Variants in STK3 observed in about 807,000 individuals in gnomAD.
STK3 encodes the protein serine/threonine-protein kinase 3.
STK3 carries 41 observed loss-of-function variants against 58.0 expected under a neutral mutation model. The ratio of observed to expected loss-of-function variants is 0.71; its 90% CI spans 0.55 to 0.92. The LOEUF (loss-of-function observed/expected upper bound fraction) is 0.92. Among genes scored for constraint, STK3 ranks in the 40% least tolerant of loss-of-function variants. The probability of loss-of-function intolerance (pLI) is 0.00; values close to 1 mark genes in which losing one functional copy is unlikely to be tolerated. For missense variants in STK3, 479 were observed against 602.7 expected, an observed-to-expected ratio of 0.79 and a Z score of 2.15; for synonymous variants, 170 against 191.0, an observed-to-expected ratio of 0.89 and a Z score of 0.91.
intron 10 of STK3, among the ~76,000 whole-genome samples, chr8:98,506,155 C>T (rs180737395): frequency 6.6e-6 from 1 of 152,320 alleles, no homozygotes; most frequent in East Asian, 1.9e-4. Flanking sequence ...TGATCTCAGA[C>T]TGCTGCACTA....
the STK3 span, among the ~76,000 whole-genome samples, chr8:98,359,480 G>A: frequency 6.8e-6 from 1 of 146,662 alleles, no homozygotes; most frequent in Non-Finnish European, 1.5e-5. Flanking sequence ...CTGAGATCAA[G>A]CCATTGCACT....
At chr8:98,585,347 T>C (rs1236845081) in intron 7 of STK3, among the ~76,000 whole-genome samples, 6 of 152,226 alleles carry the variant, frequency 3.9e-5, no homozygotes, top group Non-Finnish European at 5.9e-5. Flanking sequence ...ATTTATTAAA[T>C]AGGGAATCCT....
chr8:98,738,690 C>T (rs998710403), intron 4 of STK3, among the ~76,000 whole-genome samples: 3 of 152,192 alleles, frequency 2.0e-5, no homozygotes, highest in Non-Finnish European at 4.4e-5. Context: ...TCTGCATTTC[C>T]ATCTGAGGTA....
rs1439637975 is a variant in STK3 at position 98,620,877 on chromosome 8, AC to A, written c.685-24709del. On this transcript the variant is annotated intron_variant, in intron 6 of 10. Transcript: ENST00000419617. Reference sequence around the variant, plus strand: ...AACTGTAAATGGTATTGCATTTTTAACTTCAATGTCCATGAATTCATTGTTA... The same window carrying A: ...AACTGTAAATGGTATTGCATTTTTAATTCAATGTCCATGAATTCATTGTTA... 2.0e-5 allele frequency among the ~76,000 whole-genome samples: 3 copies of A among 152,166 alleles called. No individual in the cohort carries two copies. The South Asian group carries it at 6.2e-4, about 32-fold the overall frequency.
Position 98,774,835 on chromosome 8 carries a change from A to C in STK3, c.27-16T>G, listed in dbSNP as rs1390218859. The C allele has an allele frequency of 7.9e-6, 12 of 1,519,688 alleles. No homozygotes were observed. Among genetic ancestry groups the C allele is most frequent in the Admixed American group, 2.3e-5 (1 of 43,496 alleles). The allele number at this position is 1,519,688 out of a possible 1,614,324, so 94.1% of individuals were successfully genotyped here. A position where few individuals can be genotyped will look rare whatever the true frequency, so the allele number is the denominator to read the frequency against. On this transcript the variant is annotated splice_polypyrimidine_tract_variant and intron_variant, in intron 1 of 10. Coordinates refer to ENST00000419617, the MANE Select transcript of STK3 (RefSeq NM_006281.4). ...TTTTAGTTTACTGATTTAAAAAAGAAAGAAGAAAGAAAATATTTTCTTTAA... is the reference window on the plus strand; with the variant it reads ...TTTTAGTTTACTGATTTAAAAAAGACAGAAGAAAGAAAATATTTTCTTTAA...
intron 1 of STK3, among the ~76,000 whole-genome samples, chr8:98,922,552 A>C (rs1219261070): frequency 6.6e-6 from 1 of 152,236 alleles, no homozygotes; most frequent in Non-Finnish European, 1.5e-5. Flanking sequence ...CTGCACACCT[A>C]GCTCAGAACC....
downstream of STK3, among the ~76,000 whole-genome samples, chr8:98,369,956 G>A (rs144537405): frequency 6.6e-6 from 1 of 152,206 alleles, no homozygotes; most frequent in East Asian, 1.9e-4. Context: ...AGGTTTATGT[G>A]TTGTGTGGCT....
chr8:98,771,708 G>T (rs1831326250), intron 2 of STK3, among the ~76,000 whole-genome samples: 1 of 152,038 alleles, frequency 6.6e-6, no homozygotes, highest in South Asian at 2.1e-4. Flanking sequence ...GGGATTACAG[G>T]CACATGCCAC....
At chr8:98,429,546 A>G in intron 3 of STK3, 1 of 645,388 alleles carries the variant, frequency 1.5e-6, no homozygotes. Flanking sequence ...TGGGATATGC[A>G]CCCAGGTTTC....
chr8:98,891,928 A>G (rs569381332), intron 1 of STK3, among the ~76,000 whole-genome samples: 3 of 152,204 alleles, frequency 2.0e-5, no homozygotes, highest in Non-Finnish European at 4.4e-5. Context: ...TACTCAGGCC[A>G]CAAACTCTCC....
chr8:98,706,760 T>G, intron 5 of STK3, 126 bp from the exon 6 acceptor site: 1 of 1,151,650 alleles, frequency 8.7e-7, no homozygotes, highest in Non-Finnish European at 1.2e-6. Context: ...TTGACTATTT[T>G]GCTAAAATTT....
chr8:98,550,615 T>C (rs1811082818), intron 8 of STK3, among the ~76,000 whole-genome samples: 3 of 152,128 alleles, frequency 2.0e-5, no homozygotes, highest in Admixed American at 2.0e-4. Flanking sequence ...CTCCATCTCT[T>C]CTTTTCCATT....
At position 98,847,808 on chromosome 8, in the gene STK3, C is replaced by A. The variant is rs570830139; in HGVS notation, c.110+35839G>T. On this transcript the variant is annotated intron_variant, in intron 3 of 12. Transcript: ENST00000523601. ...CCAGCCAGTTTTATCTTCTGCAATTCCCACCTGCCTACCTTACCTCTCACT... is the reference window on the plus strand; with the variant it reads ...CCAGCCAGTTTTATCTTCTGCAATTACCACCTGCCTACCTTACCTCTCACT... Among the ~76,000 whole-genome samples, 9 of 152,054 alleles carry A rather than the reference C, an allele frequency of 5.9e-5. No individual in the cohort carries two copies. The East Asian group carries it at 1.5e-3, about 26-fold the overall frequency.
At chr8:98,746,272 GC>G (rs1314602374) in intron 4 of STK3, among the ~76,000 whole-genome samples, 2 of 152,168 alleles carry the variant, frequency 1.3e-5, no homozygotes, top group Non-Finnish European at 1.5e-5. Flanking sequence ...GCAATGTCTA[GC>G]ACTCTATCAA....
At chr8:98,551,924 T>A (rs1811203682) in intron 8 of STK3, among the ~76,000 whole-genome samples, 2 of 152,096 alleles carry the variant, frequency 1.3e-5, no homozygotes, top group South Asian at 4.1e-4. Flanking sequence ...ATTCAAACCA[T>A]CATTTTATAT....
At chr8:98,712,941 A>G (rs1343566696) in intron 4 of STK3, among the ~76,000 whole-genome samples, 1 of 152,210 alleles carries the variant, frequency 6.6e-6, no homozygotes, top group African/African-American at 2.4e-5. Context: ...TGTCTCTCAG[A>G]CTACAGTGCA....
chr8:98,849,853 C>T (rs747153408), intron 3 of STK3, among the ~76,000 whole-genome samples: 12 of 152,082 alleles, frequency 7.9e-5, no homozygotes, highest in Non-Finnish European at 1.3e-4. Flanking sequence ...GGGTTACAGG[C>T]CCATTCCTGT....
intron 3 of STK3, chr8:98,393,684 G>C (rs1348060988): frequency 6.6e-6 from 1 of 151,864 alleles, no homozygotes; most frequent in African/African-American, 2.4e-5. Context: ...TCTACTGGAG[G>C]ATAAGAGACC....
At chr8:98,749,176 T>G in intron 4 of STK3, 100 bp downstream of exon 4, 2 of 884,910 alleles carry the variant, frequency 2.3e-6, no homozygotes, top group East Asian at 5.2e-5. Context: ...CTTTTCTTTT[T>G]TCATGCTATT....
Sources: allele counts gnomAD v4.1 joint callset (sites outside exome capture counted in the v4.1 genomes callset), GRCh38; gene constraint gnomAD v4.1.1; transcripts MANE v1.5; gene names NCBI Gene and HGNC (gene_info 2026-07-23, HGNC 2026-07-21).